Variants in PTK2 observed in about 807,000 individuals in gnomAD.
The protein encoded by PTK2 is focal adhesion kinase 1.
In PTK2, 45 loss-of-function variants were observed where a neutral mutation model predicts 150.1. The observed-to-expected ratio is 0.30, with a 90% confidence interval of 0.24 to 0.38. PTK2 has a LOEUF of 0.38. PTK2 is among the 10% of genes least tolerant of loss of function. PTK2 has a pLI of 1.00. For synonymous variants in PTK2, 432 were observed against 449.2 expected, an observed-to-expected ratio of 0.96 and a Z score of 0.48; for missense variants, 919 against 1,307.3, an observed-to-expected ratio of 0.70 and a Z score of 4.58.
At chr8:140,717,197 A>C (rs1029062841) in intron 23 of PTK2, among the ~76,000 whole-genome samples, 1 of 152,254 alleles carries the variant, frequency 6.6e-6, no homozygotes, top group African/African-American at 2.4e-5. Flanking sequence ...GAATATGGTC[A>C]GGTAGAGACA....
chr8:140,977,020 T>C (rs895724463), intron 1 of PTK2, among the ~76,000 whole-genome samples: 4 of 152,194 alleles, frequency 2.6e-5, no homozygotes, highest in Admixed American at 1.3e-4. Context: ...TTAAAATAAA[T>C]CATGAATCAT....
At chr8:140,892,552 C>A in intron 2 of PTK2, 1 of 431,516 alleles carries the variant, frequency 2.3e-6, no homozygotes, top group Non-Finnish European at 4.5e-6. Context: ...ACTATCTGTC[C>A]AGCAAAGAAA....
chr8:140,807,939 G>C (rs2100099062), intron 10 of PTK2, among the ~76,000 whole-genome samples: 1 of 152,192 alleles, frequency 6.6e-6, no homozygotes, highest in Non-Finnish European at 1.5e-5. Context: ...TCATTGGCAA[G>C]GCATTGAGGG....
intron 20 of PTK2, among the ~76,000 whole-genome samples, chr8:140,741,974 T>A (rs774077379): frequency 2.0e-5 from 3 of 151,038 alleles, no homozygotes; most frequent in Non-Finnish European, 4.4e-5. Flanking sequence ...CAAAACTCCA[T>A]CTCTACAAAA....
At chr8:140,691,200 T>C (rs12156228) in intron 26 of PTK2, among the ~76,000 whole-genome samples, 10 of 136,324 alleles carry the variant, frequency 7.3e-5, no homozygotes, top group African/African-American at 1.8e-4. Context: ...TGGTTGGGGG[T>C]GGGGGGTCTC....
intron 3 of PTK2, among the ~76,000 whole-genome samples, chr8:140,885,976 T>C (rs2100152115): frequency 6.6e-6 from 1 of 152,138 alleles, no homozygotes; most frequent in Non-Finnish European, 1.5e-5. Context: ...GGAAACAAGA[T>C]GTCAGTTAGG....
Position 141,000,126 on chromosome 8 carries a change from C to CACACACACACACACACACA in PTK2, c.-122+998_-122+999insTGTGTGTGTGTGTGTGTGT, listed in dbSNP as rs1555522723. On this transcript the variant is annotated intron_variant, in intron 1 of 31. Transcript: ENST00000522684. Reference sequence around the variant, plus strand: ...ACACACACACACACACACACACACACCCCTTCTTCTAAGAAAGAACAGGAT... The same window carrying CACACACACACACACACACA: ...ACACACACACACACACACACACACACACACACACACACACACACACCCTTCTTCTAAGAAAGAACAGGAT... Among the ~76,000 whole-genome samples, 47 of 142,724 alleles carry CACACACACACACACACACA rather than the reference C, an allele frequency of 3.3e-4. 1 individual carries two copies. Among genetic ancestry groups the CACACACACACACACACACA allele is most frequent in the African/African-American group, 4.6e-4 (18 of 38,744 alleles). The allele number at this position is 142,724 out of a possible 152,430, so 93.6% of individuals were successfully genotyped here.
intron 23 of PTK2, among the ~76,000 whole-genome samples, chr8:140,715,155 GTTTT>G (rs67306225): frequency 0.31 from 17,331 of 55,848 alleles, 5,959 homozygotes; most frequent in Non-Finnish European, 0.41. Flanking sequence ...CATTAAAACC[GTTTT>G]TTTTTTTTTT....
intron 2 of PTK2, among the ~76,000 whole-genome samples, chr8:140,898,033 T>A (rs935828719): frequency 6.6e-6 from 1 of 152,124 alleles, no homozygotes; most frequent in Non-Finnish European, 1.5e-5. Context: ...AAACTGTTTT[T>A]ACGTGGCTTA....
chr8:140,673,528 T>C (rs1017930257), intron 29 of PTK2, among the ~76,000 whole-genome samples: 1 of 152,142 alleles, frequency 6.6e-6, no homozygotes, highest in Non-Finnish European at 1.5e-5. Context: ...AATTGAGAAA[T>C]AGCGTCTATT....
rs55905492 is a variant in PTK2 at position 140,900,897 on chromosome 8, GA to G, written c.-32-10129del. Among the ~76,000 whole-genome samples, 635 of 149,858 alleles carry G rather than the reference GA, an allele frequency of 4.2e-3. 8 individuals carry two copies. The highest frequency in any genetic ancestry group is 0.015 in the African/African-American group (603 of 40,826). On this transcript the variant is annotated intron_variant, in intron 2 of 31. Transcript: ENST00000522684. The stretch of plus-strand genomic sequence containing the variant: ...CCAATGACATTCTTCGCAGAAATAG[GA>G]AAAAAAAAATCCTAAAATTTATATG...
chr8:140,818,997 G>T (rs2100106533), exon 9 of PTK2: 2 of 1,612,722 alleles, frequency 1.2e-6, no homozygotes, highest in Non-Finnish European at 1.7e-6. Context: ...ATGTTTGTTG[G>T]ATCAGTTTTC....
chr8:140,943,282 T>G (rs2100176487), intron 1 of PTK2, among the ~76,000 whole-genome samples: 1 of 152,194 alleles, frequency 6.6e-6, no homozygotes. Flanking sequence ...AACCACTGAT[T>G]TTATTTCTGT....
At chr8:140,924,184 T>C (rs950756957) in intron 2 of PTK2, among the ~76,000 whole-genome samples, 1 of 152,128 alleles carries the variant, frequency 6.6e-6, no homozygotes, top group African/African-American at 2.4e-5. Flanking sequence ...TGTCCCTCTA[T>C]GTGGGACACT....
intron 5 of PTK2, among the ~76,000 whole-genome samples, chr8:140,850,730 A>AAAAAAG: frequency 6.6e-6 from 1 of 152,202 alleles, no homozygotes; most frequent in Admixed American, 6.5e-5. Context: ...ACTCCATCTC[A>AAAAAAG]AAAAAGAAAA....
chr8:140,748,018 C>G (rs2100060457), intron 17 of PTK2, among the ~76,000 whole-genome samples: 1 of 152,062 alleles, frequency 6.6e-6, no homozygotes, highest in African/African-American at 2.4e-5. Context: ...TGGTGGAAAG[C>G]TATAGCTAGA....
At chr8:140,929,077 T>C (rs1603313520) in intron 1 of PTK2, among the ~76,000 whole-genome samples, 1 of 141,726 alleles carries the variant, frequency 7.1e-6, no homozygotes, top group Non-Finnish European at 1.5e-5. Context: ...GCCATTCTCC[T>C]GCCTCAGCCT....
intron 13 of PTK2, among the ~76,000 whole-genome samples, chr8:140,792,839 T>C (rs1312441507): frequency 1.3e-5 from 2 of 152,230 alleles, no homozygotes; most frequent in Admixed American, 6.5e-5. Flanking sequence ...ATGTATCTGA[T>C]TGTTTAGATT....
intron 27 of PTK2, among the ~76,000 whole-genome samples, chr8:140,686,355 G>A (rs1342547295): frequency 6.6e-6 from 1 of 151,576 alleles, no homozygotes; most frequent in African/African-American, 2.4e-5. Context: ...TGCAACATGC[G>A]ATTTCCTTAT....
Sources: allele counts gnomAD v4.1 joint callset (sites outside exome capture counted in the v4.1 genomes callset), GRCh38; gene constraint gnomAD v4.1.1; transcripts MANE v1.5; gene names NCBI Gene and HGNC (gene_info 2026-07-23, HGNC 2026-07-21).